MEF2B: variants seen among roughly 807,000 people sequenced by gnomAD.
The protein encoded by MEF2B is myocyte enhancer factor 2B, also known as myocyte-specific enhancer factor 2B.
A neutral mutation model predicts 32.2 loss-of-function variants in MEF2B; 15 were observed. The observed-to-expected ratio is 0.47, with a 90% confidence interval of 0.31 to 0.72. The LOEUF (loss-of-function observed/expected upper bound fraction) is 0.72. Among genes scored for constraint, MEF2B ranks in the 30% least tolerant of loss-of-function variants. MEF2B has a pLI of 0.05. For missense variants in MEF2B, 441 were observed against 511.5 expected (o/e 0.86, Z 1.33); for synonymous variants, 205 against 225.6 (o/e 0.91, Z 0.82).
At chr19:19,165,736 C>A (rs1051572100) in intron 1 of MEF2B, among the ~76,000 whole-genome samples, 7 of 152,122 alleles carry the variant, frequency 4.6e-5, no homozygotes, top group African/African-American at 1.7e-4. Flanking sequence ...GAAGCCAGGC[C>A]AGCATCCAGC....
At chr19:19,161,759 GC>G (rs922386464) in intron 1 of MEF2B, among the ~76,000 whole-genome samples, 2 of 140,414 alleles carry the variant, frequency 1.4e-5, no homozygotes, top group East Asian at 2.1e-4. Flanking sequence ...CATAGGTAGG[GC>G]CCCCCCATCC....
chr19:19,147,172 A>G lies in MEF2B; in HGVS notation c.405T>C (p.Pro135=), dbSNP rs963877611. Residue 135 remains proline (P), a synonymous_variant, in exon 5 of 9, where the codon CCT becomes CCC. Coordinates refer to ENST00000424583, the MANE Select transcript of MEF2B (RefSeq NM_001145785.2). ...ATACCACATCTGGGCTGGGCATAGC[A>G]GGAGCTGCAGGCTGTGGGTAGAGAA... ...LPRPRLYPAA[P]AMPSPDVVYG... is the part of the protein sequence containing the mutation. 1 of 1,576,494 alleles carries G rather than the reference A, an allele frequency of 6.3e-7. No homozygotes were observed. Among genetic ancestry groups the G allele is most frequent in the East Asian group, 2.3e-5 (1 of 43,126 alleles).
Position 19,146,820 on chromosome 19 carries a change from T to C in MEF2B, c.597A>G (p.Pro199=), listed in dbSNP as rs777321396. 6.2e-7 allele frequency: 1 copy of C among 1,613,380 alleles called. No homozygotes were observed. The highest frequency in any genetic ancestry group is 2.2e-5 in the East Asian group (1 of 44,858). Residue 199 remains proline (P), a synonymous_variant, in exon 6 of 9, where the codon CCA becomes CCG. Coordinates refer to ENST00000424583, the MANE Select transcript of MEF2B (RefSeq NM_001145785.2). ...TCCGCCCTTCCGTCGGCAGGTACAG[T>C]GGGGGTGGTGTCTTGCTGGTGAGGT... ...PSHLTSKTPP[P]LYLPTEGRRS... is the part of the protein sequence containing the mutation.
In MEF2B at chr19:19,162,731, G is replaced by A. The variant is rs373567013; in HGVS notation, c.-30+7474C>T. ...CGGTGAGTGGGACCCTCTGTGGGAC[G>A]CCCCCTCTACTTCACTCCAGGATCC... On this transcript the variant is annotated intron_variant, in intron 1 of 8. Coordinates refer to ENST00000424583, the MANE Select transcript of MEF2B (RefSeq NM_001145785.2). Among the ~76,000 whole-genome samples, 45 of 152,200 alleles carry A rather than the reference G, an allele frequency of 3.0e-4. No homozygotes were observed. The South Asian group carries it at 8.1e-3, about 27-fold the overall frequency.
At position 19,154,443 on chromosome 19, in the gene MEF2B, T is replaced by C. The variant is rs562520567; in HGVS notation, c.-29-3679A>G. The stretch of plus-strand genomic sequence containing the variant: ...TCCCAAAGTGCTGGGATTACAGGCA[T>C]GAGCCACCGCGCCCAGCCTTTTATT... On this transcript the variant is annotated intron_variant, in intron 1 of 8. Transcript: ENST00000424583. Among the ~76,000 whole-genome samples the C allele has an allele frequency of 1.9e-4, 29 of 152,282 alleles. No homozygotes were observed. The South Asian group carries it at 5.8e-3, about 30-fold the overall frequency.
rs529218866 is a variant in MEF2B, at chr19:19,147,680, G to T, written c.393+18C>A. The T allele has an allele frequency of 1.2e-6, 2 of 1,611,034 alleles. No homozygotes were observed. Among genetic ancestry groups the T allele is most frequent in the Admixed American group, 1.7e-5 (1 of 59,762 alleles). On this transcript the variant is annotated intron_variant, in intron 4 of 8. Coordinates refer to ENST00000424583, the MANE Select transcript of MEF2B (RefSeq NM_001145785.2). ...AGTAGGAGGAATGCCTCATTCACAG[G>T]GCCAGGGAGTCACTTACATACAGCC...
chr19:19,156,208 A>T (rs2146367879), intron 1 of MEF2B, among the ~76,000 whole-genome samples: 1 of 152,286 alleles, frequency 6.6e-6, no homozygotes, highest in African/African-American at 2.4e-5. Context: ...TAGAAAGCTT[A>T]AGTAGACCAA....
At chr19:19,165,482 G>A (rs2060200781) in intron 1 of MEF2B, among the ~76,000 whole-genome samples, 1 of 152,156 alleles carries the variant, frequency 6.6e-6, no homozygotes, top group African/African-American at 2.4e-5. Context: ...TGGACACAAT[G>A]GCAGGTGCAA....
intron 1 of MEF2B, among the ~76,000 whole-genome samples, chr19:19,153,336 A>C (rs966010369): frequency 1.3e-5 from 2 of 152,156 alleles, no homozygotes; most frequent in African/African-American, 4.8e-5. Flanking sequence ...GGCAGAAGGA[A>C]GAGCAGGTGC....
Position 19,149,409 on chromosome 19 carries a change from C to A in MEF2B, c.75G>T (p.Lys25Asn). The A allele has an allele frequency of 6.2e-7, 1 of 1,614,026 alleles. No homozygotes were observed. Among genetic ancestry groups the A allele is most frequent in the Non-Finnish European group, 8.5e-7 (1 of 1,180,034 alleles). Residue 25 changes from lysine to asparagine, a missense_variant, in exon 3 of 9, where the codon AAG becomes AAT. Transcript: ENST00000424583. Reference protein sequence around the residue: ...RNRQVTFTKRKFGLMKKAYEL... With the variant: ...RNRQVTFTKRNFGLMKKAYEL... ...CATAGGCCTTCTTCATCAGCCCGAA[C>A]TTCCGCTTGGTGAACGTCACCTGGA...
chr19:19,167,851 T>C (rs889457250), intron 1 of MEF2B, among the ~76,000 whole-genome samples: 3 of 152,134 alleles, frequency 2.0e-5, no homozygotes, highest in African/African-American at 7.2e-5. Flanking sequence ...TCTGTTCTCT[T>C]GGGGGACTGA....
intron 1 of MEF2B, among the ~76,000 whole-genome samples, 172 bp downstream of exon 1, chr19:19,170,033 C>T (rs1216554342): frequency 1.3e-5 from 2 of 152,112 alleles, no homozygotes; most frequent in Non-Finnish European, 2.9e-5. Context: ...CTTGGAGACA[C>T]AACCCCCTCC....
rs2072118962 is a variant in MEF2B, at chr19:19,146,576, A to T, written c.748T>A (p.Phe250Ile). The T allele has an allele frequency of 6.3e-7, 1 of 1,587,160 alleles. No homozygotes were observed. Among genetic ancestry groups the T allele is most frequent in the Admixed American group, 1.9e-5 (1 of 52,544 alleles). The stretch of plus-strand genomic sequence containing the variant: ...GTACCTGGGGGGCCTCCGGGGAGGA[A>T]GGGGAAGCTCCCCAGTGGGGGTCCG... Reference protein sequence around the residue: ...TPGPPLGSFPFLPGGPPEYGL... With the variant: ...TPGPPLGSFPILPGGPPEYGL... Residue 250 changes from phenylalanine (F) to isoleucine (I), a missense_variant, in exon 7 of 9, where the codon TTC (phenylalanine) becomes ATC (isoleucine). Phe to Ile is a conservative substitution (Grantham distance 21). Around this residue, in one of 2 missense-constraint regions of MEF2B, gnomAD observed 326 missense variants for 328.4 expected, o/e 0.99. Transcript: ENST00000424583.
At chr19:19,151,921 G>T (rs6511022) in intron 1 of MEF2B, among the ~76,000 whole-genome samples, 49,345 of 150,196 alleles carry the variant, frequency 0.33, 8,124 homozygotes, top group African/African-American at 0.36. Context: ...TCAGGAGTTC[G>T]AGACCAGCCT....
Position 19,146,032 on chromosome 19 carries a change from G to C in MEF2B, c.882-10C>G. ...CAGGCTTCGGCCCCCACTGCAGGGGGAAAGAGAGAGGGAGGCCGTGAGCTC... is the reference window on the plus strand; with the variant it reads ...CAGGCTTCGGCCCCCACTGCAGGGGCAAAGAGAGAGGGAGGCCGTGAGCTC... On this transcript the variant is annotated splice_polypyrimidine_tract_variant and intron_variant, in intron 8 of 8. Transcript: ENST00000424583. The C allele has an allele frequency of 7.0e-7, 1 of 1,424,284 alleles. No homozygotes were observed. The highest frequency in any genetic ancestry group is 9.2e-7 in the Non-Finnish European group (1 of 1,088,922). 88.2% of individuals were successfully genotyped at this position (1,424,284 alleles called of 1,614,324 possible). A position where few individuals can be genotyped will look rare whatever the true frequency, so the allele number is the denominator to read the frequency against.
Position 19,147,711 on chromosome 19 carries a change from C to A in MEF2B, c.380G>T (p.Arg127Leu), listed in dbSNP as rs376625415. The change falls in exon 4 of 9, where the codon CGA (arginine) becomes CTA (leucine). Residue 127 changes from arginine to leucine, a missense_variant. Coordinates refer to ENST00000424583, the MANE Select transcript of MEF2B (RefSeq NM_001145785.2). Reference sequence around the variant, plus strand: ...GGAGTCACTTACATACAGCCGGGGTCGGGGCAAGGCCGGATCACCCCCTTC... The same window carrying A: ...GGAGTCACTTACATACAGCCGGGGTAGGGGCAAGGCCGGATCACCCCCTTC... ...AGEGGDPALP[R>L]PRLYPAAPAM... is the part of the protein sequence containing the mutation. 2 of 1,613,380 alleles carry A rather than the reference C, an allele frequency of 1.2e-6. No individual in the cohort carries two copies. Among genetic ancestry groups the A allele is most frequent in the African/African-American group, 2.7e-5 (2 of 74,940 alleles).
intron 1 of MEF2B, among the ~76,000 whole-genome samples, chr19:19,151,836 G>C (rs1450221597): frequency 1.3e-5 from 2 of 152,168 alleles, no homozygotes; most frequent in African/African-American, 4.8e-5. Flanking sequence ...AAGAAATCCA[G>C]ATCAGGCCGG....
Position 19,145,615 on chromosome 19 carries a change from A to T in MEF2B, c.*182T>A. 7.1e-7 allele frequency: 1 copy of T among 1,402,536 alleles called. No homozygotes were observed. The highest frequency in any genetic ancestry group is 9.6e-7 in the Non-Finnish European group (1 of 1,040,556). The allele number at this position is 1,402,536 out of a possible 1,614,324, so 86.9% of individuals were successfully genotyped here. On this transcript the variant is annotated 3_prime_UTR_variant, in exon 9 of 9. Coordinates refer to ENST00000424583, the MANE Select transcript of MEF2B (RefSeq NM_001145785.2). The surrounding 1 kb of genome is among the most constrained non-coding windows in gnomAD (Gnocchi z 4.6). Reference sequence around the variant, plus strand: ...GTTTTATTTGTGGATATACACACAAATAGGAAGAAGGAAAGGAGCCCCCCA... The same window carrying T: ...GTTTTATTTGTGGATATACACACAATTAGGAAGAAGGAAAGGAGCCCCCCA...
intron 1 of MEF2B, among the ~76,000 whole-genome samples, chr19:19,167,344 C>CGA (rs2146387442): frequency 9.1e-6 from 1 of 109,452 alleles, no homozygotes; most frequent in African/African-American, 3.3e-5. Context: ...GAGTGAGACT[C>CGA]TGTCTCAAAA....
Sources: allele counts gnomAD v4.1 joint callset (sites outside exome capture counted in the v4.1 genomes callset), GRCh38; gene constraint gnomAD v4.1.1; regional missense constraint gnomAD v4.1.1; non-coding constraint Gnocchi (gnomAD v3.1); transcripts MANE v1.5; gene names NCBI Gene and HGNC (gene_info 2026-07-23, HGNC 2026-07-21).